COL11A2: variants seen among roughly 807,000 people sequenced by gnomAD.
COL11A2 encodes collagen type XI alpha 2 chain, also known as collagen alpha-2(XI) chain.
A neutral mutation model predicts 273.4 loss-of-function variants in COL11A2; 116 were observed. That is an observed-to-expected ratio of 0.42 (90% CI 0.36 to 0.49). COL11A2 has a LOEUF of 0.49. Ranked by LOEUF, COL11A2 falls within the 20% of genes least tolerant of loss-of-function variation. The pLI is 0.00. For synonymous variants in COL11A2, 782 were observed against 864.2 expected, an observed-to-expected ratio of 0.90 and a Z score of 1.67; for missense variants, 1,866 against 2,309.0, an observed-to-expected ratio of 0.81 and a Z score of 3.93.
At position 33,163,431 on chromosome 6, in the gene COL11A2, T is replaced by C; in HGVS notation, c.*247A>G. The stretch of plus-strand genomic sequence containing the variant: ...TTGGGAGGTGAGTTTTAAATAAGGG[T>C]CTCAGCTCTCTAACGGGTAACAGGC... On this transcript the variant is annotated 3_prime_UTR_variant, in exon 66 of 66. Transcript: ENST00000341947. This position sits in a 1 kb window ranked among gnomAD's most constrained non-coding sequence, Gnocchi z 4.1. 1.7e-6 allele frequency: 1 copy of C among 597,308 alleles called. No homozygotes were observed. The highest frequency in any genetic ancestry group is 3.0e-6 in the Non-Finnish European group (1 of 332,754). The allele number at this position is 597,308 out of a possible 1,614,324, so 37.0% of individuals were successfully genotyped here.
rs764891221 is a variant in COL11A2 at position 33,178,411 on chromosome 6, C to A, written c.1773+24G>T. 10 of 1,612,846 alleles carry A rather than the reference C, an allele frequency of 6.2e-6. No individual in the cohort carries two copies. Among genetic ancestry groups the A allele is most frequent in the African/African-American group, 1.3e-5 (1 of 74,866 alleles). Reference sequence around the variant, plus strand: ...CTTCTAGACCTCCCCTGCACCCAGCCCCTACATTTGCCACTACACTTACCC... The same window carrying A: ...CTTCTAGACCTCCCCTGCACCCAGCACCTACATTTGCCACTACACTTACCC... On this transcript the variant is annotated intron_variant, in intron 19 of 65. Coordinates refer to ENST00000341947, the MANE Select transcript of COL11A2 (RefSeq NM_080680.3). This position sits in a 1 kb window ranked among gnomAD's most constrained non-coding sequence, Gnocchi z 4.6.
chr6:33,170,741 A>C lies in COL11A2; in HGVS notation c.3474+69T>G. 1.3e-6 allele frequency: 2 copies of C among 1,592,316 alleles called. No homozygotes were observed. The highest frequency in any genetic ancestry group is 1.7e-6 in the Non-Finnish European group (2 of 1,161,474). On this transcript the variant is annotated intron_variant, in intron 46 of 65. Transcript: ENST00000341947. This position sits in a 1 kb window ranked among gnomAD's most constrained non-coding sequence, Gnocchi z 4.3. Reference sequence around the variant, plus strand: ...CAGTCTGCATCGGCAGGCTGCTGGCAGAGTCTGGGGCAAAACATCACCCCA... The same window carrying C: ...CAGTCTGCATCGGCAGGCTGCTGGCCGAGTCTGGGGCAAAACATCACCCCA...
chr6:33,174,659 T>C, intron 30 of COL11A2, 79 bp from the exon 31 acceptor site: 1 of 1,391,708 alleles, frequency 7.2e-7, no homozygotes, highest in Non-Finnish European at 1.0e-6. Flanking sequence ...AACCCTCACA[T>C]ATAACAGCCA....
At chr6:33,168,401 C>T in intron 54 of COL11A2, 118 bp downstream of exon 54, 3 of 1,140,584 alleles carry the variant, frequency 2.6e-6, no homozygotes, top group Admixed American at 1.7e-5. Flanking sequence ...CACACACACA[C>T]ACCCAGGGCA....
In COL11A2 at chr6:33,177,067, CAGGGTCACTAGA is replaced by C. The variant is rs1771009068; in HGVS notation, c.2017-34_2017-23del. The C allele has an allele frequency of 6.2e-7, 1 of 1,612,602 alleles. No homozygotes were observed. The highest frequency in any genetic ancestry group is 8.5e-7 in the Non-Finnish European group (1 of 1,179,850). On this transcript the variant is annotated intron_variant, in intron 24 of 65. Coordinates refer to ENST00000341947, the MANE Select transcript of COL11A2 (RefSeq NM_080680.3). The surrounding 1 kb of genome is among the most constrained non-coding windows in gnomAD (Gnocchi z 5.9). The stretch of plus-strand genomic sequence containing the variant: ...GACCCTGCAGGAAGACAAAGAGGCT[CAGGGTCACTAGA>C]GGGGTCATGTCTGGACACAGACAAA...
intron 4 of COL11A2, among the ~76,000 whole-genome samples, chr6:33,187,147 T>C (rs1772532786): frequency 6.6e-6 from 1 of 152,114 alleles, no homozygotes; most frequent in African/African-American, 2.4e-5. Flanking sequence ...CCAGAATTCT[T>C]TGCCTCCCCT....
At chr6:33,172,171 G>T in intron 40 of COL11A2, 68 bp from the exon 41 acceptor site, 2 of 1,602,412 alleles carry the variant, frequency 1.2e-6, no homozygotes, top group Non-Finnish European at 1.7e-6. Context: ...GGAGAGGGAA[G>T]ACAGGCTCCA....
At chr6:33,185,152 A>T in intron 6 of COL11A2, 98 bp from the exon 7 acceptor site, 1 of 888,304 alleles carries the variant, frequency 1.1e-6, no homozygotes, top group South Asian at 1.4e-5. Flanking sequence ...CCCCGAGGGC[A>T]GGGTCTGTCT....
chr6:33,168,485 G>A (rs1442842681), intron 54 of COL11A2, 34 bp downstream of exon 54: 1 of 1,611,956 alleles, frequency 6.2e-7, no homozygotes. Flanking sequence ...CCCAGGGACT[G>A]CCTCCCAAGG....
rs912957707 is a variant in COL11A2 at position 33,167,656 on chromosome 6, G to A, written c.4015-123C>T. On this transcript the variant is annotated intron_variant, in intron 55 of 65. Transcript: ENST00000341947. This position sits in a 1 kb window ranked among gnomAD's most constrained non-coding sequence, Gnocchi z 6.1. ...GGGCCAAACTCTAGGAGCCCCTAGC[G>A]CAGGAACAAGTACAGGGAACGCCTG... 2.7e-5 allele frequency: 39 copies of A among 1,445,728 alleles called. No individual in the cohort carries two copies. The highest frequency in any genetic ancestry group is 2.1e-4 in the East Asian group (9 of 42,280). The allele number at this position is 1,445,728 out of a possible 1,614,324, so 89.6% of individuals were successfully genotyped here. A position where few individuals can be genotyped will look rare whatever the true frequency, so the allele number is the denominator to read the frequency against.
At position 33,184,204 on chromosome 6, in the gene COL11A2, A is replaced by T. The variant is rs377259695; in HGVS notation, c.1060T>A (p.Tyr354Asn). The T allele has an allele frequency of 2.3e-5, 32 of 1,367,392 alleles. No individual in the cohort carries two copies. Among genetic ancestry groups the T allele is most frequent in the Admixed American group, 7.6e-5 (4 of 52,572 alleles). 84.7% of individuals were successfully genotyped at this position (1,367,392 alleles called of 1,614,324 possible). A position where few individuals can be genotyped will look rare whatever the true frequency, so the allele number is the denominator to read the frequency against. The change falls in exon 8 of 66, where the codon TAT becomes AAT. Residue 354 changes from tyrosine to asparagine, a missense_variant. Transcript: ENST00000341947. ...YDYTYGYGDD[Y>N]REETELGPAL... Reference sequence around the variant, plus strand: ...GGGCCAAGCTCTGTCTCCTCACGATAATCATCCCCATAGCCATAGGTGTAA... The same window carrying T: ...GGGCCAAGCTCTGTCTCCTCACGATTATCATCCCCATAGCCATAGGTGTAA...
chr6:33,173,488 CG>C lies in COL11A2; in HGVS notation c.2682+13del. 1 of 1,611,296 alleles carries C rather than the reference CG, an allele frequency of 6.2e-7. No individual in the cohort carries two copies. Among genetic ancestry groups the C allele is most frequent in the Non-Finnish European group, 8.5e-7 (1 of 1,179,428 alleles). On this transcript the variant is annotated intron_variant, in intron 36 of 65. Coordinates refer to ENST00000341947, the MANE Select transcript of COL11A2 (RefSeq NM_080680.3). The surrounding 1 kb of genome is among the most constrained non-coding windows in gnomAD (Gnocchi z 6.3). ...CAGAGAAGCGAGGTGGGTCAGAGCT[CG>C]GGGTCAACTTACCGGGGGTCCTTTC...
At chr6:33,172,442 G>A in intron 39 of COL11A2, 64 bp from the exon 40 acceptor site, 1 of 1,551,466 alleles carries the variant, frequency 6.4e-7, no homozygotes, top group Non-Finnish European at 8.8e-7. Flanking sequence ...GAGCTCTCCA[G>A]CCCCCCCTCA....
At chr6:33,174,638 C>T (rs1770648550) in intron 30 of COL11A2, 58 bp from the exon 31 acceptor site, 1 of 1,544,718 alleles carries the variant, frequency 6.5e-7, no homozygotes. Context: ...CACTCCACCC[C>T]TGGAGACCTC....
rs1770990456 is a variant in COL11A2 at position 33,176,969 on chromosome 6, T to C, written c.2070+23A>G. On this transcript the variant is annotated intron_variant, in intron 25 of 65. Coordinates refer to ENST00000341947, the MANE Select transcript of COL11A2 (RefSeq NM_080680.3). This position sits in a 1 kb window ranked among gnomAD's most constrained non-coding sequence, Gnocchi z 4.9. ...GGGTGGAAGGCCAAGGGGAACTGGA[T>C]TCGGAAGTGGGGTCCCACTCACCGG... The C allele has an allele frequency of 6.2e-7, 1 of 1,607,388 alleles. No individual in the cohort carries two copies. The highest frequency in any genetic ancestry group is 8.5e-7 in the Non-Finnish European group (1 of 1,177,046).
In COL11A2 at chr6:33,192,159, C is replaced by A; in HGVS notation, c.82G>T (p.Gly28Cys). 1.9e-6 allele frequency: 3 copies of A among 1,556,158 alleles called. No individual in the cohort carries two copies. The highest frequency in any genetic ancestry group is 1.7e-6 in the Non-Finnish European group (2 of 1,149,684). ...ACCCAGGCATCAGGACTCCTCTTAC[C>A]TGCCCAGCCTGGGGCCGCGCTCAGC... is the stretch of plus-strand genomic sequence containing the variant. ...LGLSAAPGWA[G>C]APPVDVLRAL... is the part of the protein sequence containing the mutation. The change falls in exon 1 of 66, where the codon GGT becomes TGT. Residue 28 changes from glycine (G) to cysteine (C), a missense_variant and splice_region_variant. Gly to Cys is a radical substitution (Grantham distance 159). Coordinates refer to ENST00000341947, the MANE Select transcript of COL11A2 (RefSeq NM_080680.3).
At position 33,164,377 on chromosome 6, in the gene COL11A2, G is replaced by A; in HGVS notation, c.4960C>T (p.Pro1654Ser). ...SVSAHQDVSY[P>S]CSGAARDGPL... ...CCGTCACGGGCTGCTCCAGAGCAGG[G>A]GTAGGAGACGTCCTGGTGGGCTGAG... Residue 1654 changes from proline to serine, a missense_variant, in exon 65 of 66, where the codon CCC becomes TCC. By Grantham distance (74) the Pro-to-Ser change is moderately conservative. Transcript: ENST00000341947. The surrounding 1 kb of genome is among the most constrained non-coding windows in gnomAD (Gnocchi z 4.7). 3 of 1,611,618 alleles carry A rather than the reference G, an allele frequency of 1.9e-6. No homozygotes were observed. The highest frequency in any genetic ancestry group is 2.5e-6 in the Non-Finnish European group (3 of 1,179,390).
At position 33,166,901 on chromosome 6, in the gene COL11A2, A is replaced by G. The variant is rs1479297744; in HGVS notation, c.4231-74T>C. 2 of 1,546,180 alleles carry G rather than the reference A, an allele frequency of 1.3e-6. No individual in the cohort carries two copies. The highest frequency in any genetic ancestry group is 2.3e-5 in the East Asian group (1 of 43,088). On this transcript the variant is annotated intron_variant, in intron 58 of 65. Transcript: ENST00000341947. The surrounding 1 kb of genome is among the most constrained non-coding windows in gnomAD (Gnocchi z 4.8). ...GATGGGGGAGAAGGGCCAAGAGGAC[A>G]TGGAGAGGGAGCCGGGCACAGGGTC...
Position 33,177,700 on chromosome 6 carries a change from G to T in COL11A2, c.1879C>A (p.Arg627=). Residue 627 remains arginine, a synonymous_variant, in exon 22 of 66, where the codon CGA becomes AGA. Coordinates refer to ENST00000341947, the MANE Select transcript of COL11A2 (RefSeq NM_080680.3). This position sits in a 1 kb window ranked among gnomAD's most constrained non-coding sequence, Gnocchi z 5.9. ...PPGIPGPPGV[R]GMDGPQGPKG... ...GGGCCCTGGGGACCATCCATGCCTC[G>T]GACGCCCTGAAACACAAGATGGGTG... is the stretch of plus-strand genomic sequence containing the variant. 6.2e-7 allele frequency: 1 copy of T among 1,612,894 alleles called. No homozygotes were observed. Among genetic ancestry groups the T allele is most frequent in the Non-Finnish European group, 8.5e-7 (1 of 1,179,978 alleles).
Sources: gnomAD v4.1 joint callset for allele counts (sites outside exome capture counted in the v4.1 genomes callset) on GRCh38, gnomAD v4.1.1 for gene constraint, Gnocchi (gnomAD v3.1) non-coding constraint, MANE v1.5 for transcripts, NCBI Gene and HGNC (gene_info 2026-07-23, HGNC 2026-07-21) for gene names.